NAP1L1: variants seen among roughly 807,000 people sequenced by gnomAD.
NAP1L1 encodes nucleosome assembly protein 1 like 1.
In NAP1L1, 9 loss-of-function variants were observed where a neutral mutation model predicts 58.9. The observed-to-expected ratio is 0.15, with a 90% CI of 0.09 to 0.27. The LOEUF is 0.27. Among genes scored for constraint, NAP1L1 ranks in the 10% least tolerant of loss-of-function variants. The pLI is 1.00. For synonymous variants in NAP1L1, 130 were observed against 138.3 expected, an observed-to-expected ratio of 0.94 and a Z score of 0.42; for missense variants, 302 against 458.8, an observed-to-expected ratio of 0.66 and a Z score of 3.12.
chr12:76,059,274 G>A (rs1949291619), intron 6 of NAP1L1, among the ~76,000 whole-genome samples: 1 of 152,198 alleles, frequency 6.6e-6, no homozygotes, highest in Non-Finnish European at 1.5e-5. Context: ...AATGTCAAGT[G>A]GGGGCACCCC....
chr12:76,079,667 A>G (rs1200694877), intron 1 of NAP1L1, among the ~76,000 whole-genome samples: 1 of 151,780 alleles, frequency 6.6e-6, no homozygotes, highest in Admixed American at 6.6e-5. Context: ...ACTGACCCTA[A>G]AAACATGCTT....
chr12:76,052,127 T>A (rs1948868059), intron 11 of NAP1L1, among the ~76,000 whole-genome samples: 1 of 152,182 alleles, frequency 6.6e-6, no homozygotes, highest in African/African-American at 2.4e-5. Flanking sequence ...TCCATGAATG[T>A]TTGAGTCAAC....
At position 76,048,561 on chromosome 12, in the gene NAP1L1, T is replaced by C. The variant is rs542738116; in HGVS notation, c.1141-97A>G. Reference sequence around the variant, plus strand: ...TGCCTTAATTATAACAGTAGCTCACTGTTGTCAAAAGAAATGGTATAGGAC... The same window carrying C: ...TGCCTTAATTATAACAGTAGCTCACCGTTGTCAAAAGAAATGGTATAGGAC... On this transcript the variant is annotated intron_variant, in intron 14 of 14. Coordinates refer to ENST00000618691, the MANE Select transcript of NAP1L1 (RefSeq NM_004537.7). The C allele has an allele frequency of 2.7e-4, 337 of 1,265,740 alleles. 2 individuals are homozygous for C. The South Asian group carries it at 3.8e-3, about 14-fold the overall frequency. 78.4% of individuals were successfully genotyped at this position (1,265,740 alleles called of 1,614,324 possible).
rs1270862505 is a variant in NAP1L1 at position 76,041,397 on chromosome 12, T to TATG, written c.*7029_*7031dup. The TATG allele has an allele frequency of 6.6e-6, 1 of 152,194 alleles. No individual in the cohort carries two copies. The highest frequency in any genetic ancestry group is 2.4e-5 in the African/African-American group (1 of 41,450). 9.4% of individuals were successfully genotyped at this position (152,194 alleles called of 1,614,324 possible). A position where few individuals can be genotyped will look rare whatever the true frequency, so the allele number is the denominator to read the frequency against. The stretch of plus-strand genomic sequence containing the variant: ...GTAGGTACTGATGAAAAGGAGATCC[T>TATG]ATGTTGAACTAGTAAAACACATGCA... On this transcript the variant is annotated 3_prime_UTR_variant, in exon 15 of 15. Coordinates refer to ENST00000618691, the MANE Select transcript of NAP1L1 (RefSeq NM_004537.7).
chr12:76,070,690 A>T (rs989154315), intron 2 of NAP1L1, among the ~76,000 whole-genome samples: 2 of 152,138 alleles, frequency 1.3e-5, no homozygotes, highest in African/African-American at 4.8e-5. Context: ...GAGTACAGTC[A>T]TCCCTCAGAG....
rs1452323951 is a variant in NAP1L1, at chr12:76,038,137, T to C, written c.*10292A>G. 3 of 152,150 alleles carry C rather than the reference T, an allele frequency of 2.0e-5. No homozygotes were observed. The highest frequency in any genetic ancestry group is 4.4e-5 in the Non-Finnish European group (3 of 68,024). 9.4% of individuals were successfully genotyped at this position (152,150 alleles called of 1,614,324 possible). A position where few individuals can be genotyped will look rare whatever the true frequency, so the allele number is the denominator to read the frequency against. The stretch of plus-strand genomic sequence containing the variant: ...GTATTATGTTGTCACAAAACTGCAA[T>C]CACTCAAAAGTGTTGATATTCTGGC... On this transcript the variant is annotated 3_prime_UTR_variant, in exon 15 of 15. Coordinates refer to ENST00000618691, the MANE Select transcript of NAP1L1 (RefSeq NM_004537.7).
chr12:76,048,108 A>T lies in NAP1L1; in HGVS notation c.*321T>A, dbSNP rs1393569505. The T allele has an allele frequency of 2.0e-5, 6 of 302,704 alleles. No homozygotes were observed. Among genetic ancestry groups the T allele is most frequent in the Non-Finnish European group, 3.0e-5 (5 of 165,522 alleles). The allele number at this position is 302,704 out of a possible 1,614,324, so 18.8% of individuals were successfully genotyped here. ...TCTTCAAGGAAAAAATTACAAAAAA[A>T]AAAAAAAGGTATTTCCTTTAACAGT... On this transcript the variant is annotated 3_prime_UTR_variant, in exon 15 of 15. Coordinates refer to ENST00000618691, the MANE Select transcript of NAP1L1 (RefSeq NM_004537.7).
At position 76,037,875 on chromosome 12, in the gene NAP1L1, CTGAT is replaced by C. The variant is rs1396612325; in HGVS notation, c.*10550_*10553del. ...TTTCGCCATTGTACCTAACGGAGAG[CTGAT>C]TGACAGCACTTAAACTGAGGGGAAA... On this transcript the variant is annotated 3_prime_UTR_variant, in exon 15 of 15. Transcript: ENST00000618691. The C allele has an allele frequency of 6.6e-6, 1 of 152,170 alleles. No homozygotes were observed. The highest frequency in any genetic ancestry group is 1.5e-5 in the Non-Finnish European group (1 of 68,038). The allele number at this position is 152,170 out of a possible 1,614,324, so 9.4% of individuals were successfully genotyped here. A position where few individuals can be genotyped will look rare whatever the true frequency, so the allele number is the denominator to read the frequency against.
Position 76,043,015 on chromosome 12 carries a change from T to C in NAP1L1, c.*5414A>G, listed in dbSNP as rs1473320545. On this transcript the variant is annotated 3_prime_UTR_variant, in exon 15 of 15. Coordinates refer to ENST00000618691, the MANE Select transcript of NAP1L1 (RefSeq NM_004537.7). ...AGGGGATTCACTGCAGATAAAACTT[T>C]ATTCAGCAATTTTTTTAAATAAAGC... 6.6e-6 allele frequency: 1 copy of C among 152,230 alleles called. No individual in the cohort carries two copies. Among genetic ancestry groups the C allele is most frequent in the East Asian group, 1.9e-4 (1 of 5,202 alleles). The allele number at this position is 152,230 out of a possible 1,614,324, so 9.4% of individuals were successfully genotyped here. A position where few individuals can be genotyped will look rare whatever the true frequency, so the allele number is the denominator to read the frequency against.
At chr12:76,052,564 C>G (rs1948891880) in intron 11 of NAP1L1, among the ~76,000 whole-genome samples, 1 of 152,142 alleles carries the variant, frequency 6.6e-6, no homozygotes. Context: ...CAAAAACATG[C>G]CCAAAAGAAA....
intron 4 of NAP1L1, among the ~76,000 whole-genome samples, chr12:76,065,869 C>T (rs1949640829): frequency 1.3e-5 from 2 of 151,192 alleles, no homozygotes; most frequent in African/African-American, 4.8e-5. Flanking sequence ...TGCAACCTGC[C>T]CTGCCAAATA....
intron 4 of NAP1L1, among the ~76,000 whole-genome samples, chr12:76,066,588 A>G (rs1406345256): frequency 6.6e-6 from 1 of 152,178 alleles, no homozygotes; most frequent in African/African-American, 2.4e-5. Context: ...TAAAATACAA[A>G]TAAGACAAAA....
rs1948949001 is a variant in NAP1L1 at position 76,053,750 on chromosome 12, G to A, written c.770+20C>T. 2 of 1,596,222 alleles carry A rather than the reference G, an allele frequency of 1.3e-6. No homozygotes were observed. The highest frequency in any genetic ancestry group is 1.7e-6 in the Non-Finnish European group (2 of 1,175,182). On this transcript the variant is annotated intron_variant, in intron 9 of 14. Transcript: ENST00000618691. The stretch of plus-strand genomic sequence containing the variant: ...AAAAACAGAAAAAACATTTTGTTAA[G>A]GTAGTAAAATTAAACTCACCCTGTA...
At position 76,074,187 on chromosome 12, in the gene NAP1L1, ACT is replaced by A. The variant is rs1244844720; in HGVS notation, c.17+14_17+15del. The stretch of plus-strand genomic sequence containing the variant: ...ATGCCAAATCTCTGAAAAAGAACCA[ACT>A]CTCTGCCACTTACTTGTCAATGTCT... On this transcript the variant is annotated intron_variant, in intron 2 of 14. Transcript: ENST00000618691. The A allele has an allele frequency of 1.9e-6, 3 of 1,588,710 alleles. No individual in the cohort carries two copies. Among genetic ancestry groups the A allele is most frequent in the African/African-American group, 1.3e-5 (1 of 74,112 alleles).
At position 76,075,043 on chromosome 12, in the gene NAP1L1, GA is replaced by G. The variant is rs574682218; in HGVS notation, c.-20-805del. ...ATGAACCTGGAGAATACTGCTTTTGGAAAAACAAATCTTAAAGCAGATGTGT... is the reference window on the plus strand; with the variant it reads ...ATGAACCTGGAGAATACTGCTTTTGGAAAACAAATCTTAAAGCAGATGTGT... On this transcript the variant is annotated intron_variant, in intron 1 of 14. Transcript: ENST00000618691. 2.0e-3 allele frequency among the ~76,000 whole-genome samples: 298 copies of G among 152,232 alleles called. 2 individuals carry two copies. Among genetic ancestry groups the G allele is most frequent in the African/African-American group, 6.6e-3 (274 of 41,546 alleles).
At chr12:76,064,577 A>C (rs950178137) in intron 4 of NAP1L1, among the ~76,000 whole-genome samples, 1 of 152,218 alleles carries the variant, frequency 6.6e-6, no homozygotes, top group African/African-American at 2.4e-5. Context: ...AACAAAAGAC[A>C]GTATGGAAAA....
At chr12:76,067,606 G>A in intron 3 of NAP1L1, 133 bp from the exon 4 acceptor site, 1 of 599,974 alleles carries the variant, frequency 1.7e-6, no homozygotes, top group Non-Finnish European at 2.9e-6. Context: ...AGTAGAGACG[G>A]GCAGGGAAAG....
intron 4 of NAP1L1, among the ~76,000 whole-genome samples, chr12:76,064,231 T>A (rs1384801956): frequency 6.6e-6 from 1 of 152,076 alleles, no homozygotes; most frequent in African/African-American, 2.4e-5. Context: ...GGAAGACACA[T>A]ATCAGTAAAA....
intron 2 of NAP1L1, among the ~76,000 whole-genome samples, chr12:76,071,805 T>G (rs1201398759): frequency 6.6e-6 from 1 of 152,070 alleles, no homozygotes; most frequent in Non-Finnish European, 1.5e-5. Flanking sequence ...ATTCAGAACT[T>G]GGACTGGAAG....
Sources: gnomAD v4.1 joint callset for allele counts (sites outside exome capture counted in the v4.1 genomes callset) on GRCh38, gnomAD v4.1.1 for gene constraint, MANE v1.5 for transcripts, NCBI Gene and HGNC (gene_info 2026-07-23, HGNC 2026-07-21) for gene names.